ITIH5: variants seen among roughly 807,000 people sequenced by gnomAD.
ITIH5 encodes inter-alpha-trypsin inhibitor heavy chain 5.
ITIH5 carries 65 observed loss-of-function variants against 77.5 expected under a neutral mutation model. The ratio of observed to expected loss-of-function variants is 0.84; its 90% CI spans 0.69 to 1.03. The LOEUF (loss-of-function observed/expected upper bound fraction) is 1.03, where lower values mean the gene tolerates loss of function less well. Among genes scored for constraint, ITIH5 ranks in the 50% least tolerant of loss-of-function variants. The probability of loss-of-function intolerance (pLI) is 0.00; values close to 1 mark genes in which losing one functional copy is unlikely to be tolerated. For synonymous variants in ITIH5, 525 were observed against 494.3 expected, an observed-to-expected ratio of 1.06 and a Z score of -0.82; for missense variants, 1,208 against 1,213.1, an observed-to-expected ratio of 1.00 and a Z score of 0.06.
intron 7 of ITIH5, among the ~76,000 whole-genome samples, chr10:7,599,501 A>G (rs1311665906): frequency 6.6e-6 from 1 of 152,156 alleles, no homozygotes; most frequent in Non-Finnish European, 1.5e-5. Context: ...ATATTGTCCT[A>G]CTGCAGGTCT....
chr10:7,575,848 G>A (rs1192623425), intron 10 of ITIH5, among the ~76,000 whole-genome samples: 1 of 152,108 alleles, frequency 6.6e-6, no homozygotes, highest in Non-Finnish European at 1.5e-5. Flanking sequence ...CCTGAAACCT[G>A]GCAAGCACTC....
At chr10:7,588,722 G>A (rs531548190) in intron 7 of ITIH5, among the ~76,000 whole-genome samples, 5 of 152,288 alleles carry the variant, frequency 3.3e-5, no homozygotes, top group South Asian at 2.1e-4. Context: ...TGATGATGAC[G>A]ACGCTGACGA....
rs1482715590 is a variant in ITIH5 at position 7,576,998 on chromosome 10, A to C, written c.1433T>G (p.Ile478Ser). The change falls in exon 10 of 14, where the codon ATC (isoleucine) becomes AGC (serine). Residue 478 changes from isoleucine to serine, a missense_variant. Physicochemically the swap from Ile to Ser is moderately radical, Grantham distance 142. Transcript: ENST00000397146. ...GATGTCAGAGAGGAGCGGGGTCCTG[A>C]TTTCATCGTAGAACCTGCAGTGGAA... ...GSQLIGFYDE[I>S]RTPLLSDIRI... is the part of the protein sequence containing the mutation. 6.2e-7 allele frequency: 1 copy of C among 1,609,142 alleles called. No individual in the cohort carries two copies. The highest frequency in any genetic ancestry group is 8.5e-7 in the Non-Finnish European group (1 of 1,176,590).
intron 1 of ITIH5, among the ~76,000 whole-genome samples, chr10:7,655,959 G>A (rs1337855765): frequency 6.6e-6 from 1 of 152,154 alleles, no homozygotes; most frequent in Admixed American, 6.5e-5. Flanking sequence ...GGAGATGGAT[G>A]AAATGACAAG....
At chr10:7,585,533 C>T (rs12249665) in intron 8 of ITIH5, among the ~76,000 whole-genome samples, 9 of 152,152 alleles carry the variant, frequency 5.9e-5, no homozygotes, top group South Asian at 2.1e-4. Flanking sequence ...AAGGTGCGCA[C>T]GAAACACTGG....
At chr10:7,618,887 A>G (rs1371301188) in intron 5 of ITIH5, 5 of 152,272 alleles carry the variant, frequency 3.3e-5, no homozygotes, top group African/African-American at 1.2e-4. Context: ...GAGACAATTT[A>G]GGTGTAACCT....
At chr10:7,655,824 T>C in intron 1 of ITIH5, 149 bp from the exon 2 acceptor site, 1 of 645,684 alleles carries the variant, frequency 1.5e-6, no homozygotes, top group Non-Finnish European at 2.7e-6. Flanking sequence ...GAAAAGCAGT[T>C]TTGACTTTTT....
chr10:7,581,105 C>T (rs867193948), intron 8 of ITIH5, among the ~76,000 whole-genome samples: 1 of 151,908 alleles, frequency 6.6e-6, no homozygotes, highest in Non-Finnish European at 1.5e-5. Context: ...ACCAAAAATA[C>T]AAAAATTAGC....
intron 1 of ITIH5, among the ~76,000 whole-genome samples, chr10:7,666,114 A>G (rs1016038424): frequency 6.6e-6 from 1 of 152,254 alleles, no homozygotes; most frequent in Admixed American, 6.5e-5. Context: ...TTAGCTCTCA[A>G]TGCTATTTGT....
intron 2 of ITIH5, among the ~76,000 whole-genome samples, chr10:7,655,279 C>G: frequency 6.6e-6 from 1 of 152,118 alleles, no homozygotes; most frequent in Non-Finnish European, 1.5e-5. Flanking sequence ...CTACAAATGT[C>G]AATTCTTTGG....
intron 7 of ITIH5, among the ~76,000 whole-genome samples, chr10:7,590,219 T>C (rs1006679118): frequency 1.3e-5 from 2 of 152,048 alleles, no homozygotes; most frequent in African/African-American, 4.8e-5. Flanking sequence ...CACTGCAACC[T>C]TCACCCGTGG....
chr10:7,628,702 C>A (rs111232635), intron 5 of ITIH5, among the ~76,000 whole-genome samples: 32,379 of 145,608 alleles, frequency 0.22, 6,758 homozygotes, highest in African/African-American at 0.4. Flanking sequence ...CATGTTGCAG[C>A]GTGTGTCCAT....
At chr10:7,652,087 A>T (rs1230956803) in intron 2 of ITIH5, among the ~76,000 whole-genome samples, 1 of 152,198 alleles carries the variant, frequency 6.6e-6, no homozygotes, top group African/African-American at 2.4e-5. Context: ...CCAGGCCAGG[A>T]TCCATTCAGC....
chr10:7,657,038 G>A (rs904744308), intron 1 of ITIH5, among the ~76,000 whole-genome samples: 11 of 133,806 alleles, frequency 8.2e-5, no homozygotes, highest in Admixed American at 5.3e-4. Flanking sequence ...CACCGCGTTC[G>A]GCCTTTTTTT....
At chr10:7,647,723 G>A (rs1021291011) in intron 2 of ITIH5, among the ~76,000 whole-genome samples, 2 of 152,036 alleles carry the variant, frequency 1.3e-5, no homozygotes, top group African/African-American at 4.8e-5. Flanking sequence ...GTTATGTTTT[G>A]TAAACTAAAC....
intron 5 of ITIH5, among the ~76,000 whole-genome samples, chr10:7,629,757 A>C (rs916126239): frequency 5.9e-5 from 9 of 152,176 alleles, no homozygotes; most frequent in African/African-American, 2.2e-4. Context: ...CTTTGGGGCT[A>C]CTGTGAATAC....
chr10:7,600,503 C>G, intron 7 of ITIH5: 1 of 456,714 alleles, frequency 2.2e-6, no homozygotes, highest in Admixed American at 2.3e-5. Context: ...AGCCCGGTCT[C>G]TCCTCCTGGA....
chr10:7,634,132 GGGTCCAT>G (rs1010009224), intron 5 of ITIH5, among the ~76,000 whole-genome samples: 2 of 148,986 alleles, frequency 1.3e-5, no homozygotes, highest in African/African-American at 4.9e-5. Flanking sequence ...GAAAGAAAAC[GGGTCCAT>G]GGTGAGAGAT....
chr10:7,654,238 G>A (rs79478611), intron 2 of ITIH5, among the ~76,000 whole-genome samples: 5,164 of 152,202 alleles, frequency 0.034, 145 homozygotes, highest in African/African-American at 0.077. Flanking sequence ...AATGTGCCTC[G>A]GGTTCCCCTG....
Sources: allele counts gnomAD v4.1 joint callset (sites outside exome capture counted in the v4.1 genomes callset), GRCh38; gene constraint gnomAD v4.1.1; transcripts MANE v1.5; gene names NCBI Gene and HGNC (gene_info 2026-07-23, HGNC 2026-07-21).